Variants in CSMD3 observed in about 807,000 individuals in gnomAD.
The protein encoded by CSMD3 is CUB and sushi domain-containing protein 3.
CSMD3 carries 177 observed loss-of-function variants against 435.2 expected under a neutral mutation model. That is an observed-to-expected ratio of 0.41 (90% CI 0.36 to 0.46). The LOEUF (loss-of-function observed/expected upper bound fraction) is 0.46. Among genes scored for constraint, CSMD3 ranks in the 20% least tolerant of loss-of-function variants. CSMD3 has a pLI of 0.34. For missense variants in CSMD3, 4,265 were observed against 4,504.6 expected (o/e 0.95, Z 1.52); for synonymous variants, 1,656 against 1,520.5 (o/e 1.09, Z -2.07).
chr8:112,737,081 G>C (rs10505191), intron 13 of CSMD3, among the ~76,000 whole-genome samples: 1 of 151,738 alleles, frequency 6.6e-6, no homozygotes, highest in Non-Finnish European at 1.5e-5. Context: ...ATCTGAGAGA[G>C]ACATAAAATT....
intron 6 of CSMD3, among the ~76,000 whole-genome samples, chr8:113,010,243 G>A (rs2086207416): frequency 6.6e-6 from 1 of 151,576 alleles, no homozygotes; most frequent in Non-Finnish European, 1.5e-5. Context: ...CACTAGTTGG[G>A]TGCATCCCAT....
chr8:112,382,491 G>A (rs1203834188), intron 37 of CSMD3, among the ~76,000 whole-genome samples: 1 of 151,816 alleles, frequency 6.6e-6, no homozygotes, highest in Admixed American at 6.6e-5. Flanking sequence ...GGTTCCACAA[G>A]TCCATTTAAA....
intron 41 of CSMD3, among the ~76,000 whole-genome samples, chr8:112,344,788 T>A (rs1287069718): frequency 6.6e-6 from 1 of 152,116 alleles, no homozygotes; most frequent in Non-Finnish European, 1.5e-5. Context: ...ATCAAAAATA[T>A]TGGGAATTAT....
chr8:112,653,848 T>A (rs985165946), intron 18 of CSMD3, among the ~76,000 whole-genome samples: 7 of 151,792 alleles, frequency 4.6e-5, no homozygotes, highest in Non-Finnish European at 7.4e-5. Flanking sequence ...TTAGTAGAGA[T>A]GGGGTTTCAC....
At chr8:113,159,366 C>T (rs1052694920) in intron 4 of CSMD3, among the ~76,000 whole-genome samples, 1 of 151,824 alleles carries the variant, frequency 6.6e-6, no homozygotes. Flanking sequence ...TCTGGCACTT[C>T]CTGACCAAAA....
chr8:112,268,401 TGTG>T (rs1276384770), intron 59 of CSMD3, among the ~76,000 whole-genome samples: 2 of 152,208 alleles, frequency 1.3e-5, no homozygotes, highest in African/African-American at 4.8e-5. Context: ...AAAACATAAT[TGTG>T]GTAATTCTAG....
At chr8:112,674,843 G>C (rs2075737377) in intron 16 of CSMD3, among the ~76,000 whole-genome samples, 1 of 152,080 alleles carries the variant, frequency 6.6e-6, no homozygotes, top group South Asian at 2.1e-4. Context: ...AAGATAAGGA[G>C]ACTAGCACTT....
chr8:112,408,760 T>C (rs539226034), intron 33 of CSMD3, among the ~76,000 whole-genome samples, 159 bp downstream of exon 33: 13 of 152,118 alleles, frequency 8.5e-5, no homozygotes, highest in African/African-American at 2.9e-4. Context: ...ACCTTCTGAG[T>C]TAATTTTGTT....
chr8:112,957,492 C>T (rs1271721165), intron 7 of CSMD3, among the ~76,000 whole-genome samples: 4 of 152,188 alleles, frequency 2.6e-5, no homozygotes, highest in African/African-American at 9.6e-5. Context: ...ATCGCTCGGT[C>T]GCCCAGGCTG....
In CSMD3 at chr8:112,856,391, T is replaced by A. The variant is rs1053158812; in HGVS notation, c.1755+2754A>T. ...ACCTATAAATTATTCAACCATATAA[T>A]GAAATATAGAAGAAAATTATATGTA... On this transcript the variant is annotated intron_variant, in intron 11 of 70. Transcript: ENST00000297405. Among the ~76,000 whole-genome samples the A allele has an allele frequency of 4.0e-5, 6 of 151,898 alleles. No homozygotes were observed. In the East Asian group the frequency reaches 1.2e-3, roughly 29 times the overall value.
intron 23 of CSMD3, among the ~76,000 whole-genome samples, chr8:112,574,422 A>G (rs1563721473): frequency 6.6e-6 from 1 of 151,924 alleles, no homozygotes; most frequent in Non-Finnish European, 1.5e-5. Context: ...TGCTGATATA[A>G]ACACTCTTTT....
chr8:112,302,276 A>G (rs1236881418), intron 52 of CSMD3, among the ~76,000 whole-genome samples: 1 of 151,408 alleles, frequency 6.6e-6, no homozygotes, highest in Non-Finnish European at 1.5e-5. Flanking sequence ...AAACATCACA[A>G]GTTTAAAGAG....
intron 10 of CSMD3, among the ~76,000 whole-genome samples, chr8:112,906,234 C>T (rs2082258003): frequency 6.6e-6 from 1 of 151,090 alleles, no homozygotes; most frequent in African/African-American, 2.4e-5. Context: ...ATCTCAGACC[C>T]TCACAGTTCT....
intron 13 of CSMD3, among the ~76,000 whole-genome samples, chr8:112,749,411 T>C (rs2077515553): frequency 6.6e-6 from 1 of 152,160 alleles, no homozygotes; most frequent in Non-Finnish European, 1.5e-5. Context: ...ATAAAACGTT[T>C]TCCCGTTCCT....
intron 8 of CSMD3, among the ~76,000 whole-genome samples, chr8:112,950,347 T>C (rs186214631): frequency 6.6e-6 from 1 of 151,834 alleles, no homozygotes; most frequent in Non-Finnish European, 1.5e-5. Context: ...AAATGTGGCA[T>C]GAAAATGAGG....
At chr8:112,392,218 C>T (rs12681029) in intron 35 of CSMD3, among the ~76,000 whole-genome samples, 115,134 of 150,744 alleles carry the variant, frequency 0.76, 44,216 homozygotes, top group African/African-American at 0.86. Flanking sequence ...TGATGAGATA[C>T]AAAGAACATA....
At chr8:113,167,298 C>T (rs1299559079) in intron 4 of CSMD3, among the ~76,000 whole-genome samples, 4 of 152,010 alleles carry the variant, frequency 2.6e-5, no homozygotes, top group Non-Finnish European at 4.4e-5. Flanking sequence ...TTTTGAGCAC[C>T]TTCTATGTGT....
At chr8:112,430,259 G>GA (rs1474186707) in intron 32 of CSMD3, among the ~76,000 whole-genome samples, 5 of 151,660 alleles carry the variant, frequency 3.3e-5, no homozygotes, top group Non-Finnish European at 5.9e-5. Context: ...AATGAAGAGT[G>GA]ACAAAAAAAC....
chr8:112,703,675 T>C (rs1474558939), intron 13 of CSMD3, among the ~76,000 whole-genome samples: 1 of 152,140 alleles, frequency 6.6e-6, no homozygotes, highest in Non-Finnish European at 1.5e-5. Flanking sequence ...ACTTGCAGTT[T>C]TGCTGATTCT....
Sources: gnomAD v4.1 joint callset for allele counts (sites outside exome capture counted in the v4.1 genomes callset) on GRCh38, gnomAD v4.1.1 for gene constraint, MANE v1.5 for transcripts, NCBI Gene and HGNC (gene_info 2026-07-23, HGNC 2026-07-21) for gene names.